Variants in SDK1 observed in about 807,000 individuals in gnomAD.
SDK1 encodes protein sidekick-1.
Under a neutral mutation model 245.5 loss-of-function variants are expected in SDK1, and 157 were observed. That is an observed-to-expected ratio of 0.64 (90% CI 0.56 to 0.73). SDK1 has a LOEUF of 0.73. Ranked by LOEUF, SDK1 falls within the 30% of genes least tolerant of loss-of-function variation. The pLI, the probability that SDK1 is intolerant of heterozygous loss-of-function variation, is 0.00. For synonymous variants in SDK1, 1,647 were observed against 1,278.5 expected, an observed-to-expected ratio of 1.29 and a Z score of -6.15; for missense variants, 3,583 against 3,002.3, an observed-to-expected ratio of 1.19 and a Z score of -4.52.
chr7:3,596,914 C>T (rs982540050), intron 1 of SDK1, among the ~76,000 whole-genome samples: 17 of 152,102 alleles, frequency 1.1e-4, no homozygotes, highest in African/African-American at 4.1e-4. Context: ...TACAGCTTAG[C>T]GTCTGCCTTA....
intron 35 of SDK1, among the ~76,000 whole-genome samples, chr7:4,190,156 G>A (rs767542691): frequency 1.3e-5 from 2 of 152,158 alleles, no homozygotes; most frequent in East Asian, 1.9e-4. Flanking sequence ...AATTAACGTC[G>A]CAACCCCGAC....
At chr7:3,565,318 C>G (rs1186648969) in intron 1 of SDK1, among the ~76,000 whole-genome samples, 1 of 152,124 alleles carries the variant, frequency 6.6e-6, no homozygotes, top group Non-Finnish European at 1.5e-5. Context: ...TGGTTGTTAT[C>G]TGTCAGACCT....
chr7:4,204,582 G>C (rs1038534213), intron 35 of SDK1, among the ~76,000 whole-genome samples: 2 of 152,194 alleles, frequency 1.3e-5, no homozygotes, highest in Non-Finnish European at 1.5e-5. Flanking sequence ...TCCCAAGAAG[G>C]CCTCTCCAGA....
intron 1 of SDK1, among the ~76,000 whole-genome samples, chr7:3,574,768 C>G (rs1780232013): frequency 6.6e-6 from 1 of 152,070 alleles, no homozygotes; most frequent in Non-Finnish European, 1.5e-5. Flanking sequence ...AACAAACCAA[C>G]TACTCAAAGG....
intron 4 of SDK1, among the ~76,000 whole-genome samples, chr7:3,795,820 G>A (rs765017350): frequency 3.9e-5 from 6 of 152,042 alleles, no homozygotes; most frequent in Non-Finnish European, 8.8e-5. Context: ...ATTCTACTTC[G>A]AGTCAAGTAG....
At chr7:3,504,938 C>T (rs1217660557) in intron 1 of SDK1, among the ~76,000 whole-genome samples, 3 of 152,090 alleles carry the variant, frequency 2.0e-5, no homozygotes, top group Non-Finnish European at 2.9e-5. Context: ...AAACATAAAT[C>T]CCTGCAAAAA....
In SDK1 at chr7:3,962,290, C is replaced by A. The variant is rs191596596; in HGVS notation, c.1235-367C>A. ...CCCTATGACCCTGTGCCCAAGCCCT[C>A]CCGCGGTGGCTGAGTAGGGCACTGC... On this transcript the variant is annotated intron_variant, in intron 8 of 44. Transcript: ENST00000404826. Among the ~76,000 whole-genome samples the A allele has an allele frequency of 1.5e-3, 235 of 152,366 alleles. 1 individual carries two copies. Among genetic ancestry groups the A allele is most frequent in the African/African-American group, 5.4e-3 (224 of 41,586 alleles).
chr7:3,786,800 T>C lies in SDK1; in HGVS notation c.714-34650T>C, dbSNP rs146545543. Among the ~76,000 whole-genome samples the C allele has an allele frequency of 5.1e-3, 769 of 152,234 alleles. 3 individuals are homozygous for C. Among genetic ancestry groups the C allele is most frequent in the Middle Eastern group, 0.017 (5 of 294 alleles). ...TACAGTTTTCCTTTTTAAAACAAGT[T>C]TTGAGGAATACACCTCGGTAGTACT... On this transcript the variant is annotated intron_variant, in intron 4 of 44. Coordinates refer to ENST00000404826, the MANE Select transcript of SDK1 (RefSeq NM_152744.4).
intron 2 of SDK1, among the ~76,000 whole-genome samples, chr7:3,620,759 C>A (rs184861721): frequency 2.6e-3 from 390 of 152,248 alleles, no homozygotes; most frequent in African/African-American, 9.0e-3. Context: ...CATGGACACT[C>A]CCTGGTTCTC....
At chr7:3,949,220 G>T (rs1396680712) in intron 5 of SDK1, among the ~76,000 whole-genome samples, 1 of 152,216 alleles carries the variant, frequency 6.6e-6, no homozygotes, top group Non-Finnish European at 1.5e-5. Context: ...GGGACCCAGG[G>T]CTGGGTGAGA....
intron 22 of SDK1, among the ~76,000 whole-genome samples, chr7:4,109,837 C>T (rs559029176): frequency 2.0e-5 from 3 of 152,124 alleles, no homozygotes; most frequent in East Asian, 1.9e-4. Flanking sequence ...AGGTGGGGCT[C>T]GGGGTCAGAT....
intron 5 of SDK1, among the ~76,000 whole-genome samples, chr7:3,870,482 T>C (rs1412663273): frequency 6.6e-6 from 1 of 152,118 alleles, no homozygotes; most frequent in Non-Finnish European, 1.5e-5. Context: ...CTCCCACTGC[T>C]CCTTCAAGAT....
At chr7:3,926,071 A>G (rs985113994) in intron 5 of SDK1, among the ~76,000 whole-genome samples, 1 of 152,186 alleles carries the variant, frequency 6.6e-6, no homozygotes, top group Admixed American at 6.5e-5. Context: ...AGTGTCACCT[A>G]TGCAGAGTCA....
At chr7:3,549,690 A>G (rs979498609) in intron 1 of SDK1, among the ~76,000 whole-genome samples, 6 of 152,174 alleles carry the variant, frequency 3.9e-5, no homozygotes, top group East Asian at 1.9e-4. Context: ...GCTGAAAATT[A>G]TCACAGAAAT....
At chr7:3,707,765 C>T (rs140471099) in intron 4 of SDK1, among the ~76,000 whole-genome samples, 7 of 152,084 alleles carry the variant, frequency 4.6e-5, no homozygotes, top group African/African-American at 1.7e-4. Flanking sequence ...GATTGTAATT[C>T]TTCTTGTTGG....
At chr7:4,055,160 G>C (rs985635654) in intron 19 of SDK1, among the ~76,000 whole-genome samples, 1 of 152,280 alleles carries the variant, frequency 6.6e-6, no homozygotes, top group South Asian at 2.1e-4. Flanking sequence ...AAGAGATTGC[G>C]TAAAATTGGT....
intron 22 of SDK1, among the ~76,000 whole-genome samples, chr7:4,088,199 A>G (rs1781548983): frequency 6.6e-6 from 1 of 152,114 alleles, no homozygotes; most frequent in African/African-American, 2.4e-5. Context: ...AAACTTTGGG[A>G]ATTCTCTTGT....
At chr7:3,984,654 G>T (rs1483517044) in intron 13 of SDK1, among the ~76,000 whole-genome samples, 2 of 152,056 alleles carry the variant, frequency 1.3e-5, no homozygotes, top group African/African-American at 4.8e-5. Flanking sequence ...ACCCTCTCCT[G>T]CCCTGGCTTC....
intron 13 of SDK1, among the ~76,000 whole-genome samples, chr7:3,979,710 A>G (rs1347636558): frequency 6.6e-6 from 1 of 152,202 alleles, no homozygotes; most frequent in Non-Finnish European, 1.5e-5. Context: ...TTGTTTTAGT[A>G]GCGTCTTTGC....
Sources: gnomAD v4.1 joint callset for allele counts (sites outside exome capture counted in the v4.1 genomes callset) on GRCh38, gnomAD v4.1.1 for gene constraint, MANE v1.5 for transcripts, NCBI Gene and HGNC (gene_info 2026-07-23, HGNC 2026-07-21) for gene names.